FRA10AC1: variants seen among roughly 807,000 people sequenced by gnomAD.
FRA10AC1 encodes protein FRA10AC1.
In FRA10AC1, 43 loss-of-function variants were observed where a neutral mutation model predicts 56.5. The observed-to-expected ratio is 0.76, with a 90% CI of 0.60 to 0.98. FRA10AC1 has a LOEUF of 0.98. Ranked by LOEUF, FRA10AC1 falls within the 50% of genes least tolerant of loss-of-function variation. The probability of loss-of-function intolerance (pLI) is 0.00; values close to 1 mark genes in which losing one functional copy is unlikely to be tolerated. For missense variants in FRA10AC1, 346 were observed against 351.8 expected, an observed-to-expected ratio of 0.98 and a Z score of 0.13; for synonymous variants, 112 against 110.5, an observed-to-expected ratio of 1.01 and a Z score of -0.09.
Position 93,691,995 on chromosome 10 carries a change from T to A in FRA10AC1, c.465+14A>T. ...GAATAAGAACCTCTTTCCATAAATA[T>A]GTGGAAAGCATACCTTATTTTCTTT... On this transcript the variant is annotated intron_variant, in intron 7 of 13. Coordinates refer to ENST00000359204, the MANE Select transcript of FRA10AC1 (RefSeq NM_145246.5). 6.4e-7 allele frequency: 1 copy of A among 1,565,846 alleles called. No homozygotes were observed. Among genetic ancestry groups the A allele is most frequent in the Non-Finnish European group, 8.6e-7 (1 of 1,156,708 alleles).
At chr10:93,701,566 T>C (rs2059332419) in intron 1 of FRA10AC1, among the ~76,000 whole-genome samples, 1 of 152,172 alleles carries the variant, frequency 6.6e-6, no homozygotes, top group African/African-American at 2.4e-5. Flanking sequence ...CTCTCTTCTC[T>C]GCCCCACTAA....
intron 8 of FRA10AC1, 32 bp downstream of exon 8, chr10:93,687,372 C>T: frequency 2.1e-6 from 3 of 1,408,710 alleles, no homozygotes; most frequent in Non-Finnish European, 2.9e-6. Flanking sequence ...ATAAGTTTAT[C>T]CTATTAAAAA....
chr10:93,687,367 T>C (rs1477388387), intron 8 of FRA10AC1, 37 bp downstream of exon 8: 4 of 1,390,426 alleles, frequency 2.9e-6, no homozygotes, highest in Non-Finnish European at 3.9e-6. Context: ...ACAAAATAAG[T>C]TTATCCTATT....
At chr10:93,693,441 C>A in intron 5 of FRA10AC1, among the ~76,000 whole-genome samples, 1 of 145,298 alleles carries the variant, frequency 6.9e-6, no homozygotes. Flanking sequence ...GACCAAAGTG[C>A]CCATCAACCA....
At chr10:93,687,362 A>AT (rs1488003126) in intron 8 of FRA10AC1, 42 bp downstream of exon 8, 1 of 1,364,830 alleles carries the variant, frequency 7.3e-7, no homozygotes, top group Non-Finnish European at 9.9e-7. Flanking sequence ...ACTTAACAAA[A>AT]TAAGTTTATC....
At chr10:93,699,959 C>G (rs576781010) in intron 2 of FRA10AC1, 71 bp downstream of exon 2, 1 of 849,540 alleles carries the variant, frequency 1.2e-6, no homozygotes, top group South Asian at 1.5e-5. Context: ...AAATTTCACT[C>G]TTGTTTATTT....
intron 10 of FRA10AC1, 132 bp from the exon 11 acceptor site, chr10:93,681,730 C>CTTAA (rs1216815665): frequency 1.6e-5 from 12 of 753,858 alleles, no homozygotes; most frequent in Admixed American, 4.1e-5. Context: ...TAATAAGGAA[C>CTTAA]GTTAAGTGAG....
chr10:93,684,833 C>T (rs1436122959), intron 9 of FRA10AC1, among the ~76,000 whole-genome samples: 1 of 152,106 alleles, frequency 6.6e-6, no homozygotes, highest in Non-Finnish European at 1.5e-5. Flanking sequence ...ATTATGCCTT[C>T]CTAAAGTTTT....
intron 7 of FRA10AC1, among the ~76,000 whole-genome samples, chr10:93,688,661 G>C (rs1460567426): frequency 6.6e-6 from 1 of 152,048 alleles, no homozygotes; most frequent in Non-Finnish European, 1.5e-5. Context: ...ACCTAAAAAT[G>C]CTCTAAAAAT....
chr10:93,693,520 T>C (rs2059167288), intron 5 of FRA10AC1, among the ~76,000 whole-genome samples: 1 of 18,356 alleles, frequency 5.4e-5, no homozygotes, highest in African/African-American at 1.4e-4. Context: ...ACCATATATA[T>C]ATATATACAC....
At chr10:93,685,526 A>T (rs2059012154) in intron 8 of FRA10AC1, 167 bp from the exon 9 acceptor site, 1 of 443,862 alleles carries the variant, frequency 2.3e-6, no homozygotes, top group Non-Finnish European at 3.9e-6. Flanking sequence ...CAAGTATCAA[A>T]TCAAAGTACT....
intron 4 of FRA10AC1, among the ~76,000 whole-genome samples, chr10:93,696,117 T>C (rs542947772): frequency 5.3e-5 from 8 of 152,314 alleles, no homozygotes; most frequent in African/African-American, 1.9e-4. Flanking sequence ...TCCTTATACA[T>C]TATATATCAA....
chr10:93,683,891 CTTCTAAACCCCTCG>C (rs1348732034), intron 10 of FRA10AC1, among the ~76,000 whole-genome samples, 151 bp downstream of exon 10: 1 of 152,126 alleles, frequency 6.6e-6, no homozygotes, highest in Non-Finnish European at 1.5e-5. Context: ...GCATAGCGGA[CTTCTAAACCCCTCG>C]TTTATGTAGC....
intron 7 of FRA10AC1, among the ~76,000 whole-genome samples, chr10:93,691,113 C>T (rs1392479165): frequency 6.6e-6 from 1 of 152,168 alleles, no homozygotes; most frequent in Admixed American, 6.5e-5. Flanking sequence ...CCTCCTCTCA[C>T]ATTTCTAACT....
At chr10:93,672,170 T>C (rs771988089) in intron 12 of FRA10AC1, 1 of 383,978 alleles carries the variant, frequency 2.6e-6, no homozygotes, top group Non-Finnish European at 5.0e-6. Context: ...AAAACAGCAT[T>C]GATTTGTTAC....
intron 1 of FRA10AC1, among the ~76,000 whole-genome samples, chr10:93,700,522 A>C (rs1484447723): frequency 1.3e-5 from 2 of 152,222 alleles, no homozygotes; most frequent in South Asian, 2.1e-4. Context: ...CTAATTCTGC[A>C]AGTTAGAAAG....
At chr10:93,669,903 G>C in intron 13 of FRA10AC1, 35 bp from the exon 14 acceptor site, 2 of 1,238,516 alleles carry the variant, frequency 1.6e-6, no homozygotes, top group Non-Finnish European at 2.3e-6. Flanking sequence ...AAGATCAATA[G>C]AGTAAAAAAA....
intron 8 of FRA10AC1, among the ~76,000 whole-genome samples, chr10:93,685,629 T>C (rs547210532): frequency 1.3e-5 from 2 of 151,546 alleles, no homozygotes; most frequent in Admixed American, 6.6e-5. Context: ...TCTTACACTT[T>C]GGAAAGACAG....
At position 93,667,903 on chromosome 10, in the gene FRA10AC1, T is replaced by C. The variant is rs2133883653; in HGVS notation, c.*1923A>G. 6.6e-6 allele frequency: 1 copy of C among 152,302 alleles called. No individual in the cohort carries two copies. The highest frequency in any genetic ancestry group is 2.1e-4 in the South Asian group (1 of 4,834). The allele number at this position is 152,302 out of a possible 1,614,324, so 9.4% of individuals were successfully genotyped here. A position where few individuals can be genotyped will look rare whatever the true frequency, so the allele number is the denominator to read the frequency against. ...AGTAGTGAGGTGAAAAAAAACAATT[T>C]ATTCAAGAAGTGAGGGGACTATCAA... On this transcript the variant is annotated 3_prime_UTR_variant, in exon 14 of 14. Coordinates refer to ENST00000359204, the MANE Select transcript of FRA10AC1 (RefSeq NM_145246.5).
Sources: allele counts gnomAD v4.1 joint callset (sites outside exome capture counted in the v4.1 genomes callset), GRCh38; gene constraint gnomAD v4.1.1; transcripts MANE v1.5; gene names NCBI Gene and HGNC (gene_info 2026-07-23, HGNC 2026-07-21).